GALNT10: variants seen among roughly 807,000 people sequenced by gnomAD.
The protein encoded by GALNT10 is polypeptide N-acetylgalactosaminyltransferase 10, also known as GalNAc transferase 10.
In GALNT10, 41 loss-of-function variants were observed where a neutral mutation model predicts 75.0. The observed-to-expected ratio is 0.55, with a 90% confidence interval of 0.43 to 0.71. The LOEUF (loss-of-function observed/expected upper bound fraction) is 0.71, where lower values mean the gene tolerates loss of function less well. GALNT10 is among the 30% of genes least tolerant of loss of function. GALNT10 has a pLI of 0.00. For missense variants in GALNT10, 727 were observed against 818.5 expected, an observed-to-expected ratio of 0.89 and a Z score of 1.36; for synonymous variants, 302 against 313.0, an observed-to-expected ratio of 0.96 and a Z score of 0.37.
chr5:154,217,604 T>C (rs896632389), intron 1 of GALNT10, among the ~76,000 whole-genome samples: 8 of 152,164 alleles, frequency 5.3e-5, no homozygotes, highest in South Asian at 2.1e-4. Context: ...TGAATTAAAA[T>C]CAATGAAAGT....
intron 1 of GALNT10, among the ~76,000 whole-genome samples, chr5:154,238,194 A>G (rs1753277098): frequency 6.6e-6 from 1 of 152,162 alleles, no homozygotes; most frequent in African/African-American, 2.4e-5. Context: ...CAGGCGTGGA[A>G]AGGAAGTCGC....
At chr5:154,207,501 G>A (rs932478813) in intron 1 of GALNT10, among the ~76,000 whole-genome samples, 8 of 152,202 alleles carry the variant, frequency 5.3e-5, no homozygotes, top group Non-Finnish European at 7.3e-5. Flanking sequence ...AACAGGTCAA[G>A]TCAGAGTACA....
At chr5:154,216,660 T>C (rs1418996098) in intron 1 of GALNT10, among the ~76,000 whole-genome samples, 1 of 152,230 alleles carries the variant, frequency 6.6e-6, no homozygotes, top group East Asian at 1.9e-4. Flanking sequence ...ATTGAAAGAC[T>C]TCACTCACTG....
intron 1 of GALNT10, among the ~76,000 whole-genome samples, chr5:154,281,582 C>T (rs1415013179): frequency 1.3e-5 from 2 of 152,200 alleles, no homozygotes; most frequent in African/African-American, 2.4e-5. Flanking sequence ...AAATGCACAG[C>T]CAGGAAACTG....
chr5:154,322,962 T>C (rs376199631), intron 3 of GALNT10, among the ~76,000 whole-genome samples: 4 of 152,358 alleles, frequency 2.6e-5, no homozygotes, highest in African/African-American at 9.6e-5. Context: ...TGCCTGATAC[T>C]GTGCTAGGCT....
In GALNT10 at chr5:154,352,083, GA is replaced by G. The variant is rs1755211899; in HGVS notation, c.568+22346del. Among the ~76,000 whole-genome samples the G allele has an allele frequency of 6.6e-6, 1 of 152,204 alleles. No individual in the cohort carries two copies. Among genetic ancestry groups the G allele is most frequent in the African/African-American group, 2.4e-5 (1 of 41,438 alleles). The stretch of plus-strand genomic sequence containing the variant: ...CCAGTTGATGATTCCAAAGCCCATT[GA>G]TTCACTTAGGGAATATTTATGAAAT... On this transcript the variant is annotated intron_variant, in intron 4 of 11. Coordinates refer to ENST00000297107, the MANE Select transcript of GALNT10 (RefSeq NM_198321.4). This position sits in a 1 kb window ranked among gnomAD's most constrained non-coding sequence, Gnocchi z 4.4.
intron 3 of GALNT10, among the ~76,000 whole-genome samples, chr5:154,314,609 G>T (rs570588944): frequency 6.6e-5 from 10 of 152,010 alleles, no homozygotes; most frequent in African/African-American, 2.4e-4. Flanking sequence ...AAGAGATGCT[G>T]GCGTCTGCCT....
chr5:154,290,091 A>ATT (rs370050729), intron 1 of GALNT10, among the ~76,000 whole-genome samples: 1,861 of 135,914 alleles, frequency 0.014, 50 homozygotes, highest in African/African-American at 0.049. Flanking sequence ...GTACTCTGTA[A>ATT]TTTTTTTTTT....
At chr5:154,197,136 TG>T (rs200124631) in intron 1 of GALNT10, among the ~76,000 whole-genome samples, 3,660 of 152,266 alleles carry the variant, frequency 0.024, 69 homozygotes, top group South Asian at 0.096. Flanking sequence ...GAGGACGGCT[TG>T]GGTGCAAATG....
At chr5:154,193,158 G>A (rs1179249526) in intron 1 of GALNT10, among the ~76,000 whole-genome samples, 1 of 151,642 alleles carries the variant, frequency 6.6e-6, no homozygotes, top group African/African-American at 2.4e-5. Context: ...GGGGTTTGGG[G>A]GTTTGGGGGG....
intron 1 of GALNT10, among the ~76,000 whole-genome samples, chr5:154,272,168 T>G (rs1753877166): frequency 6.6e-6 from 1 of 152,116 alleles, no homozygotes; most frequent in Non-Finnish European, 1.5e-5. Context: ...TCCCTGCAAT[T>G]CTTAGGTCTT....
At position 154,409,497 on chromosome 5, in the gene GALNT10, G is replaced by C. The variant is rs755798969; in HGVS notation, c.1165-44G>C. On this transcript the variant is annotated intron_variant, in intron 8 of 11. Transcript: ENST00000297107. This position sits in a 1 kb window ranked among gnomAD's most constrained non-coding sequence, Gnocchi z 4.5. ...CTTTTCACCCCACTGCCTGGCTTTGGCTTCTTGGAAAGACTGACCCCTCCA... is the reference window on the plus strand; with the variant it reads ...CTTTTCACCCCACTGCCTGGCTTTGCCTTCTTGGAAAGACTGACCCCTCCA... 7.6e-7 allele frequency: 1 copy of C among 1,323,028 alleles called. No individual in the cohort carries two copies. Among genetic ancestry groups the C allele is most frequent in the East Asian group, 2.3e-5 (1 of 43,536 alleles). The allele number at this position is 1,323,028 out of a possible 1,614,324, so 82.0% of individuals were successfully genotyped here.
At chr5:154,272,199 A>T (rs1753877659) in intron 1 of GALNT10, among the ~76,000 whole-genome samples, 1 of 152,002 alleles carries the variant, frequency 6.6e-6, no homozygotes, top group African/African-American at 2.4e-5. Flanking sequence ...AGCGCTCCCC[A>T]ACTTCCTCAC....
chr5:154,398,120 T>C (rs1756085462), intron 7 of GALNT10, among the ~76,000 whole-genome samples: 1 of 152,224 alleles, frequency 6.6e-6, no homozygotes, highest in South Asian at 2.1e-4. Flanking sequence ...ATGGTGCTTC[T>C]ATGAGAAGAC....
chr5:154,395,692 A>G (rs1756001048), intron 7 of GALNT10, among the ~76,000 whole-genome samples: 1 of 152,184 alleles, frequency 6.6e-6, no homozygotes, highest in African/African-American at 2.4e-5. Context: ...TTATTTCGCC[A>G]TCTACAGAGG....
chr5:154,318,774 C>G (rs936920155), intron 3 of GALNT10, among the ~76,000 whole-genome samples: 2 of 152,206 alleles, frequency 1.3e-5, no homozygotes, highest in Non-Finnish European at 2.9e-5. Flanking sequence ...GGTGGACATT[C>G]ACTGTTTCTG....
intron 1 of GALNT10, among the ~76,000 whole-genome samples, chr5:154,257,138 C>T (rs568957415): frequency 6.6e-6 from 1 of 152,206 alleles, no homozygotes; most frequent in African/African-American, 2.4e-5. Context: ...TGAAAATAAA[C>T]TGAGACTCAG....
intron 7 of GALNT10, 61 bp from the exon 8 acceptor site, chr5:154,404,043 C>A: frequency 7.6e-7 from 1 of 1,323,858 alleles, no homozygotes; most frequent in South Asian, 1.2e-5. Context: ...GGATGCTGGC[C>A]TGGCGGGATG....
In GALNT10 at chr5:154,352,122, T is replaced by A. The variant is rs1391674776; in HGVS notation, c.568+22384T>A. On this transcript the variant is annotated intron_variant, in intron 4 of 11. Coordinates refer to ENST00000297107, the MANE Select transcript of GALNT10 (RefSeq NM_198321.4). The surrounding 1 kb of genome is among the most constrained non-coding windows in gnomAD (Gnocchi z 4.4). ...ATATTTATGAAATACCCACTCTGTA[T>A]CTGTTTACCAGATACCTGAGTTTCT... Among the ~76,000 whole-genome samples the A allele has an allele frequency of 6.6e-6, 1 of 152,232 alleles. No homozygotes were observed. The highest frequency in any genetic ancestry group is 1.9e-4 in the East Asian group (1 of 5,202).
Sources: gnomAD v4.1 joint callset for allele counts (sites outside exome capture counted in the v4.1 genomes callset) on GRCh38, gnomAD v4.1.1 for gene constraint, Gnocchi (gnomAD v3.1) non-coding constraint, MANE v1.5 for transcripts, NCBI Gene and HGNC (gene_info 2026-07-23, HGNC 2026-07-21) for gene names.